The following CBX2 variants were observed in gnomAD, a reference collection of about 807,000 sequenced individuals.
CBX2 encodes the protein chromobox 2.
A neutral mutation model predicts 21.0 loss-of-function variants in CBX2; 11 were observed. The ratio of observed to expected loss-of-function variants is 0.52; its 90% CI spans 0.33 to 0.87. The LOEUF (loss-of-function observed/expected upper bound fraction) is 0.87. Among genes scored for constraint, CBX2 ranks in the 40% least tolerant of loss-of-function variants. The probability of loss-of-function intolerance (pLI) is 0.02; values close to 1 mark genes in which losing one functional copy is unlikely to be tolerated. For synonymous variants in CBX2, 364 were observed against 304.6 expected, an observed-to-expected ratio of 1.19 and a Z score of -2.03; for missense variants, 746 against 724.3, an observed-to-expected ratio of 1.03 and a Z score of -0.34.
At position 79,784,322 on chromosome 17, in the gene CBX2, G is replaced by A. The variant is rs1907462224; in HGVS notation, c.879G>A (p.Arg293=). The A allele has an allele frequency of 1.2e-6, 2 of 1,613,300 alleles. 1 individual carries two copies. The highest frequency in any genetic ancestry group is 4.5e-5 in the East Asian group (2 of 44,876). The change falls in exon 5 of 5, where the codon AGG becomes AGA. Residue 293 remains arginine (R), a synonymous_variant. Transcript: ENST00000310942. The surrounding 1 kb of genome is among the most constrained non-coding windows in gnomAD (Gnocchi z 5.9). ...GCCTCGGGCTGGACCTGAAGGTGAG[G>A]ACGCAGAAAGGGGAGCTGGGAATGA... ...KCGLGLDLKV[R]TQKGELGMSP...
Position 79,781,770 on chromosome 17 carries a change from T to A in CBX2, c.257T>A (p.Met86Lys). 6.2e-7 allele frequency: 1 copy of A among 1,614,082 alleles called. No homozygotes were observed. Among genetic ancestry groups the A allele is most frequent in the Non-Finnish European group, 8.5e-7 (1 of 1,180,008 alleles). The change falls in exon 4 of 5, where the codon ATG (methionine) becomes AAG (lysine). Residue 86 changes from methionine to lysine, a missense_variant. This residue lies in a region of CBX2 where 701 missense variants were observed against 650.7 expected (regional missense o/e 1.08). Coordinates refer to ENST00000310942, the MANE Select transcript of CBX2 (RefSeq NM_005189.3). ...GGCCGGCCAAGGAAGCTCACTGCCA[T>A]GTCCTCCTGCAGCCGGCGCTCCAAG... ...PRGRPRKLTA[M>K]SSCSRRSKLK...
In CBX2 at chr17:79,784,871, G is replaced by A. The variant is rs140909251; in HGVS notation, c.1428G>A (p.Pro476=). 3.3e-5 allele frequency: 54 copies of A among 1,613,118 alleles called. No individual in the cohort carries two copies. Among genetic ancestry groups the A allele is most frequent in the Admixed American group, 5.0e-5 (3 of 59,992 alleles). Residue 476 remains proline, a synonymous_variant, in exon 5 of 5, where the codon CCG becomes CCA. Coordinates refer to ENST00000310942, the MANE Select transcript of CBX2 (RefSeq NM_005189.3). This position sits in a 1 kb window ranked among gnomAD's most constrained non-coding sequence, Gnocchi z 5.9. Reference sequence around the variant, plus strand: ...ACTCCGACCCCGACTCCGCCTCGCCGCCCAGCACTGGACAGAACCCGTCAG... The same window carrying A: ...ACTCCGACCCCGACTCCGCCTCGCCACCCAGCACTGGACAGAACCCGTCAG... ...SSDSDPDSAS[P]PSTGQNPSVS...
At position 79,784,124 on chromosome 17, in the gene CBX2, C is replaced by T. The variant is rs782372748; in HGVS notation, c.681C>T (p.Ala227=). The change falls in exon 5 of 5, where the codon GCC becomes GCT. Residue 227 remains alanine (A), a synonymous_variant. Coordinates refer to ENST00000310942, the MANE Select transcript of CBX2 (RefSeq NM_005189.3). This position sits in a 1 kb window ranked among gnomAD's most constrained non-coding sequence, Gnocchi z 5.9. ...HAKEACGGPS[A]MATPENLASL... ...AGGAGGCCTGTGGCGGCCCCAGTGC[C>T]ATGGCCACCCCAGAGAACCTGGCCA... 10 of 1,611,954 alleles carry T rather than the reference C, an allele frequency of 6.2e-6. No individual in the cohort carries two copies. Among genetic ancestry groups the T allele is most frequent in the African/African-American group, 1.3e-5 (1 of 75,060 alleles).
chr17:79,782,136 C>CAT, intron 4 of CBX2: 1 of 1,613,002 alleles, frequency 6.2e-7, no homozygotes, highest in Non-Finnish European at 8.5e-7. Context: ...GAACAGGAAG[C>CAT]ATGCGTACAG....
chr17:79,782,065 A>AG (rs1555830463), intron 4 of CBX2: 1 of 1,613,796 alleles, frequency 6.2e-7, no homozygotes, highest in Admixed American at 1.7e-5. Context: ...GCTGGGTGGC[A>AG]GGGTCAAACT....
intron 4 of CBX2, chr17:79,782,552 C>A: frequency 9.5e-7 from 1 of 1,052,628 alleles, no homozygotes. Flanking sequence ...GTGTTGTGGC[C>A]ACGAGCTCAG....
Position 79,784,399 on chromosome 17 carries a change from A to G in CBX2, c.956A>G (p.Gln319Arg). The change falls in exon 5 of 5, where the codon CAG (glutamine) becomes CGG (arginine). Residue 319 changes from glutamine to arginine, a missense_variant. By Grantham distance (43) the Gln-to-Arg change is conservative. Around this residue, in one of 2 missense-constraint regions of CBX2, gnomAD observed 701 missense variants for 650.7 expected, o/e 1.08. Transcript: ENST00000310942. This position sits in a 1 kb window ranked among gnomAD's most constrained non-coding sequence, Gnocchi z 5.9. ...PKAPSGGAVE[Q>R]KVGNTGGPPH... ...GCCCCCAGCGGTGGGGCTGTGGAGC[A>G]GAAAGTGGGGAACACAGGGGGCCCC... is the stretch of plus-strand genomic sequence containing the variant. 3.1e-6 allele frequency: 5 copies of G among 1,612,482 alleles called. No individual in the cohort carries two copies. The highest frequency in any genetic ancestry group is 4.2e-6 in the Non-Finnish European group (5 of 1,179,696).
At chr17:79,782,224 T>A in intron 4 of CBX2, 1 of 1,599,540 alleles carries the variant, frequency 6.3e-7, no homozygotes, top group Non-Finnish European at 8.5e-7. Flanking sequence ...CACCTGCGGG[T>A]GCACCTTAAA....
Position 79,784,848 on chromosome 17 carries a change from T to G in CBX2, c.1405T>G (p.Ser469Ala), listed in dbSNP as rs1356392744. Residue 469 changes from serine to alanine, a missense_variant, in exon 5 of 5, where the codon TCC (serine) becomes GCC (alanine). This residue lies in a region of CBX2 where 701 missense variants were observed against 650.7 expected (regional missense o/e 1.08). Coordinates refer to ENST00000310942, the MANE Select transcript of CBX2 (RefSeq NM_005189.3). The surrounding 1 kb of genome is among the most constrained non-coding windows in gnomAD (Gnocchi z 5.9). ...AGGTGAGGAGAGTAGCAGCTCGGAC[T>G]CCGACCCCGACTCCGCCTCGCCGCC... Reference protein sequence around the residue: ...SAGEESSSSDSDPDSASPPST... With the variant: ...SAGEESSSSDADPDSASPPST... 2 of 1,612,890 alleles carry G rather than the reference T, an allele frequency of 1.2e-6. No individual in the cohort carries two copies. Among genetic ancestry groups the G allele is most frequent in the Non-Finnish European group, 1.7e-6 (2 of 1,179,888 alleles).
chr17:79,784,640 C>T lies in CBX2; in HGVS notation c.1197C>T (p.Ala399=), dbSNP rs781861149. 26 of 1,612,316 alleles carry T rather than the reference C, an allele frequency of 1.6e-5. No homozygotes were observed. The highest frequency in any genetic ancestry group is 2.2e-5 in the Non-Finnish European group (26 of 1,179,898). The change falls in exon 5 of 5, where the codon GCC becomes GCT. Residue 399 remains alanine (A), a synonymous_variant. Transcript: ENST00000310942. The surrounding 1 kb of genome is among the most constrained non-coding windows in gnomAD (Gnocchi z 5.9). ...GKGTGSGLIG[A]SGATMPTDTS... ...GCACTGGGAGTGGCCTCATTGGGGC[C>T]AGCGGGGCCACCATGCCCACCGACA...
At chr17:79,782,060 G>T (rs200419766) in intron 4 of CBX2, 1 of 1,613,882 alleles carries the variant, frequency 6.2e-7, no homozygotes, top group Non-Finnish European at 8.5e-7. Flanking sequence ...TCTCTGCTGG[G>T]TGGCAGGGTC....
chr17:79,779,781 A>G (rs1555829836), intron 3 of CBX2: 2 of 331,236 alleles, frequency 6.0e-6, no homozygotes, highest in Non-Finnish European at 1.2e-5. Context: ...TGGCGCTAAC[A>G]GAAAACCAGG....
chr17:79,781,910 C>G (rs574167449), intron 4 of CBX2, 109 bp downstream of exon 4: 1 of 1,614,166 alleles, frequency 6.2e-7, no homozygotes, highest in East Asian at 2.2e-5. Context: ...GCACTTCTGC[C>G]AACAGTCTGT....
chr17:79,784,849 C>T lies in CBX2; in HGVS notation c.1406C>T (p.Ser469Phe). 6.2e-7 allele frequency: 1 copy of T among 1,612,900 alleles called. No homozygotes were observed. The highest frequency in any genetic ancestry group is 8.5e-7 in the Non-Finnish European group (1 of 1,179,852). Residue 469 changes from serine (S) to phenylalanine (F), a missense_variant, in exon 5 of 5, where the codon TCC becomes TTC. Coordinates refer to ENST00000310942, the MANE Select transcript of CBX2 (RefSeq NM_005189.3). This position sits in a 1 kb window ranked among gnomAD's most constrained non-coding sequence, Gnocchi z 5.9. ...GGTGAGGAGAGTAGCAGCTCGGACTCCGACCCCGACTCCGCCTCGCCGCCC... is the reference window on the plus strand; with the variant it reads ...GGTGAGGAGAGTAGCAGCTCGGACTTCGACCCCGACTCCGCCTCGCCGCCC... ...SAGEESSSSDSDPDSASPPST... is the reference protein window; with the variant it reads ...SAGEESSSSDFDPDSASPPST...
rs199965738 is a variant in CBX2, at chr17:79,783,841, G to T, written c.398G>T (p.Gly133Val). ...EDDSDLDAKRGPRGRETHPVP... is the reference protein window; with the variant it reads ...EDDSDLDAKRVPRGRETHPVP... ...GACAGTGACTTAGATGCTAAGAGGG[G>T]TCCCCGGGGCCGCGAGACCCACCCA... The change falls in exon 5 of 5, where the codon GGT becomes GTT. Residue 133 changes from glycine (G) to valine (V), a missense_variant. Around this residue, in one of 2 missense-constraint regions of CBX2, gnomAD observed 701 missense variants for 650.7 expected, o/e 1.08. Coordinates refer to ENST00000310942, the MANE Select transcript of CBX2 (RefSeq NM_005189.3). 4.3e-6 allele frequency: 7 copies of T among 1,612,242 alleles called. No homozygotes were observed. In the East Asian group the frequency reaches 1.6e-4, roughly 36 times the overall value.
In CBX2 at chr17:79,785,141, G is replaced by T; in HGVS notation, c.*99G>T. 9.3e-7 allele frequency: 1 copy of T among 1,074,228 alleles called. No homozygotes were observed. Among genetic ancestry groups the T allele is most frequent in the South Asian group, 1.3e-5 (1 of 76,154 alleles). The allele number at this position is 1,074,228 out of a possible 1,614,324, so 66.5% of individuals were successfully genotyped here. ...AGCCCAAGCCCCCTCAAGAGTCTGG[G>T]TCGGGGGAGGAGGAGTGGGTGGCCT... On this transcript the variant is annotated 3_prime_UTR_variant, in exon 5 of 5. Coordinates refer to ENST00000310942, the MANE Select transcript of CBX2 (RefSeq NM_005189.3).
chr17:79,783,685 C>T (rs1238535795), intron 4 of CBX2, 47 bp from the exon 5 acceptor site: 17 of 1,500,296 alleles, frequency 1.1e-5, no homozygotes, highest in South Asian at 2.4e-5. Context: ...GCTGGGATTA[C>T]AGGCGTGAGC....
intron 4 of CBX2, chr17:79,782,040 C>T: frequency 6.2e-7 from 1 of 1,614,020 alleles, no homozygotes; most frequent in Non-Finnish European, 8.5e-7. Flanking sequence ...TTCAGCCTGT[C>T]CTGCACGCCT....
rs978171514 is a variant in CBX2, at chr17:79,785,227, G to T, written c.*185G>T. 1 of 621,564 alleles carries T rather than the reference G, an allele frequency of 1.6e-6. No individual in the cohort carries two copies. 38.5% of individuals were successfully genotyped at this position (621,564 alleles called of 1,614,324 possible). On this transcript the variant is annotated 3_prime_UTR_variant, in exon 5 of 5. Coordinates refer to ENST00000310942, the MANE Select transcript of CBX2 (RefSeq NM_005189.3). ...ACCCCACTCTGTCCCAGGACATAGG[G>T]CAGGGGGCCTCACTGCCTTGTTGGT...
Sources: gnomAD v4.1 joint callset for allele counts on GRCh38, gnomAD v4.1.1 for gene constraint, gnomAD v4.1.1 regional missense constraint, Gnocchi (gnomAD v3.1) non-coding constraint, MANE v1.5 for transcripts, NCBI Gene and HGNC (gene_info 2026-07-23, HGNC 2026-07-21) for gene names.